ZBTB16: variants seen among roughly 807,000 people sequenced by gnomAD.
ZBTB16 encodes zinc finger and BTB domain-containing protein 16.
Under a neutral mutation model 56.8 loss-of-function variants are expected in ZBTB16, and 8 were observed. The observed-to-expected ratio is 0.14, with a 90% CI of 0.08 to 0.25. The LOEUF (loss-of-function observed/expected upper bound fraction) is 0.25. Among genes scored for constraint, ZBTB16 ranks in the 10% least tolerant of loss-of-function variants. ZBTB16 has a pLI of 1.00. For missense variants in ZBTB16, 625 were observed against 903.0 expected (o/e 0.69, Z 3.95); for synonymous variants, 363 against 368.5 (o/e 0.98, Z 0.17).
chr11:114,233,082 C>CGCGCGT (rs1944485617), intron 4 of ZBTB16, among the ~76,000 whole-genome samples: 1 of 75,576 alleles, frequency 1.3e-5, no homozygotes, highest in African/African-American at 5.5e-5. Flanking sequence ...CGCGCGCGCG[C>CGCGCGT]ACACACACAC....
rs115272620 is a variant in ZBTB16, at chr11:114,255,423, T to C, written c.*4868T>C. 3.2e-5 allele frequency among the ~76,000 whole-genome samples: 2 copies of C among 63,390 alleles called. No individual in the cohort carries two copies. The highest frequency in any genetic ancestry group is 1.3e-3 in the East Asian group (1 of 744). The allele number at this position is 63,390 out of a possible 152,430, so 41.6% of individuals were successfully genotyped here. A position where few individuals can be genotyped will look rare whatever the true frequency, so the allele number is the denominator to read the frequency against. ...TGTACAAATCAATCTCTTTCTCTCT[T>C]TCTCTCCTCCCCACCTCTCACCCTT... is the stretch of plus-strand genomic sequence containing the variant. On this transcript the variant is annotated 3_prime_UTR_variant, in exon 7 of 7. Transcript: ENST00000335953.
At chr11:114,177,633 G>T (rs781065852) in intron 3 of ZBTB16, among the ~76,000 whole-genome samples, 2 of 152,080 alleles carry the variant, frequency 1.3e-5, no homozygotes, top group Non-Finnish European at 2.9e-5. Context: ...AGGAAGTCTG[G>T]TTCATCACAG....
intron 2 of ZBTB16, among the ~76,000 whole-genome samples, chr11:114,151,324 T>C (rs1220937012): frequency 6.6e-6 from 1 of 152,226 alleles, no homozygotes; most frequent in African/African-American, 2.4e-5. Context: ...TGCATTGATG[T>C]GGTCTGAGTG....
At chr11:114,162,526 C>T (rs1483342599) in intron 3 of ZBTB16, among the ~76,000 whole-genome samples, 1 of 152,196 alleles carries the variant, frequency 6.6e-6, no homozygotes, top group African/African-American at 2.4e-5. Flanking sequence ...GGTATCTGCT[C>T]AGAGCAAGAG....
chr11:114,149,451 C>T (rs1224677743), intron 2 of ZBTB16, among the ~76,000 whole-genome samples: 1 of 152,182 alleles, frequency 6.6e-6, no homozygotes, highest in Non-Finnish European at 1.5e-5. Context: ...AGAGAGGCAC[C>T]TGCTGTGTGC....
chr11:114,247,002 C>T (rs958736541), intron 5 of ZBTB16, 196 bp from the exon 6 acceptor site: 9 of 683,314 alleles, frequency 1.3e-5, no homozygotes, highest in Non-Finnish European at 2.0e-5. Context: ...CATGGGGCCA[C>T]AGTAAAGTAT....
intron 2 of ZBTB16, among the ~76,000 whole-genome samples, chr11:114,128,780 C>A (rs999420838): frequency 4.6e-5 from 7 of 152,140 alleles, no homozygotes; most frequent in Non-Finnish European, 7.4e-5. Flanking sequence ...TTAGTGCCTT[C>A]CCTAGAGGTG....
At chr11:114,122,595 C>T (rs1337279601) in intron 2 of ZBTB16, among the ~76,000 whole-genome samples, 4 of 152,098 alleles carry the variant, frequency 2.6e-5, no homozygotes, top group Non-Finnish European at 5.9e-5. Context: ...GGCAAGTGAG[C>T]GGAACTAAGA....
intron 3 of ZBTB16, among the ~76,000 whole-genome samples, chr11:114,177,908 T>C (rs1269396535): frequency 1.3e-5 from 2 of 152,226 alleles, no homozygotes; most frequent in East Asian, 3.8e-4. Flanking sequence ...GCAACAAATT[T>C]ACTATCCTAC....
rs1938948066 is a variant in ZBTB16, at chr11:114,063,113, G to A, written c.-90-98G>A. 1 of 638,202 alleles carries A rather than the reference G, an allele frequency of 1.6e-6. No individual in the cohort carries two copies. Among genetic ancestry groups the A allele is most frequent in the Non-Finnish European group, 2.7e-6 (1 of 365,462 alleles). The allele number at this position is 638,202 out of a possible 1,614,324, so 39.5% of individuals were successfully genotyped here. A position where few individuals can be genotyped will look rare whatever the true frequency, so the allele number is the denominator to read the frequency against. Reference sequence around the variant, plus strand: ...AGGGCTTGGCAACAGGGAGGAGGGGGCATGTTGTAGTGGTTGAATTCTTAC... The same window carrying A: ...AGGGCTTGGCAACAGGGAGGAGGGGACATGTTGTAGTGGTTGAATTCTTAC... On this transcript the variant is annotated intron_variant, in intron 1 of 6. Transcript: ENST00000335953. This position sits in a 1 kb window ranked among gnomAD's most constrained non-coding sequence, Gnocchi z 6.5.
At chr11:114,119,542 G>A (rs186590043) in intron 2 of ZBTB16, among the ~76,000 whole-genome samples, 42 of 152,228 alleles carry the variant, frequency 2.8e-4, no homozygotes, top group African/African-American at 8.7e-4. Context: ...GAGAAAGTAC[G>A]ACAGGTGCTG....
chr11:114,170,461 G>A (rs990293504), intron 3 of ZBTB16, among the ~76,000 whole-genome samples: 2 of 152,184 alleles, frequency 1.3e-5, no homozygotes, highest in Admixed American at 6.5e-5. Flanking sequence ...AGAGAGGGGC[G>A]GATACCTCTG....
chr11:114,084,795 A>C (rs1939901738), intron 2 of ZBTB16, among the ~76,000 whole-genome samples: 1 of 152,176 alleles, frequency 6.6e-6, no homozygotes, highest in African/African-American at 2.4e-5. Context: ...AAATACAGTC[A>C]ATGTTTAGAT....
chr11:114,162,710 G>T (rs1942624164), intron 3 of ZBTB16, among the ~76,000 whole-genome samples: 1 of 152,282 alleles, frequency 6.6e-6, no homozygotes, highest in East Asian at 1.9e-4. Context: ...CATTCCTTAT[G>T]TGGGGGCGCC....
At chr11:114,207,543 C>T (rs77646631) in intron 4 of ZBTB16, among the ~76,000 whole-genome samples, 5,770 of 151,958 alleles carry the variant, frequency 0.038, 158 homozygotes, top group Non-Finnish European at 0.058. Flanking sequence ...GCATCTTCCA[C>T]TAACCCCCAC....
chr11:114,102,922 T>C (rs1032132405), intron 2 of ZBTB16, among the ~76,000 whole-genome samples: 1 of 152,214 alleles, frequency 6.6e-6, no homozygotes, highest in South Asian at 2.1e-4. Context: ...TAAAGCTCTT[T>C]CTTTGTGTGT....
chr11:114,072,257 G>A (rs1184673308), intron 2 of ZBTB16, among the ~76,000 whole-genome samples: 3 of 152,232 alleles, frequency 2.0e-5, no homozygotes, highest in East Asian at 1.9e-4. Flanking sequence ...TTGCTTCTGC[G>A]TCTTCCCCAG....
At chr11:114,142,847 C>A (rs1255929315) in intron 2 of ZBTB16, among the ~76,000 whole-genome samples, 2 of 152,118 alleles carry the variant, frequency 1.3e-5, no homozygotes, top group South Asian at 2.1e-4. Flanking sequence ...CCTCCTCCCC[C>A]ATCCCCATCG....
chr11:114,089,169 G>C (rs959831918), intron 2 of ZBTB16, among the ~76,000 whole-genome samples: 1 of 152,174 alleles, frequency 6.6e-6, no homozygotes, highest in African/African-American at 2.4e-5. Context: ...TGCGGGGAGC[G>C]TTGCTGGTTC....
Sources: gnomAD v4.1 joint callset for allele counts (sites outside exome capture counted in the v4.1 genomes callset) on GRCh38, gnomAD v4.1.1 for gene constraint, Gnocchi (gnomAD v3.1) non-coding constraint, MANE v1.5 for transcripts, NCBI Gene and HGNC (gene_info 2026-07-23, HGNC 2026-07-21) for gene names.